Variants in PRKD3 observed in about 807,000 individuals in gnomAD.
PRKD3 encodes serine/threonine-protein kinase D3.
A neutral mutation model predicts 99.2 loss-of-function variants in PRKD3; 47 were observed. The ratio of observed to expected loss-of-function variants is 0.47; its 90% CI spans 0.38 to 0.60. The LOEUF (loss-of-function observed/expected upper bound fraction) is 0.60. Among genes scored for constraint, PRKD3 ranks in the 20% least tolerant of loss-of-function variants. The probability of loss-of-function intolerance (pLI) is 0.00; values close to 1 mark genes in which losing one functional copy is unlikely to be tolerated. For synonymous variants in PRKD3, 392 were observed against 355.4 expected (o/e 1.10, Z -1.16); for missense variants, 1,019 against 1,088.4 (o/e 0.94, Z 0.90).
At chr2:37,293,106 A>G (rs1670512744) in intron 3 of PRKD3, 27 bp downstream of exon 3, 1 of 1,527,292 alleles carries the variant, frequency 6.5e-7, no homozygotes, top group South Asian at 1.3e-5. Context: ...GGGAAAAGGC[A>G]ATCACTCTAA....
At chr2:37,267,574 C>A in intron 13 of PRKD3, 38 bp from the exon 14 acceptor site, 1 of 1,425,494 alleles carries the variant, frequency 7.0e-7, no homozygotes, top group Non-Finnish European at 9.8e-7. Flanking sequence ...ATGAAGCAAA[C>A]TGACAGCTTT....
chr2:37,311,959 TTAA>T (rs1671444522), intron 2 of PRKD3, among the ~76,000 whole-genome samples: 1 of 152,226 alleles, frequency 6.6e-6, no homozygotes, highest in African/African-American at 2.4e-5. Flanking sequence ...AAGTCCACAT[TTAA>T]AATGCATATA....
chr2:37,321,642 T>C (rs1671888046), intron 1 of PRKD3, among the ~76,000 whole-genome samples: 2 of 152,228 alleles, frequency 1.3e-5, no homozygotes, highest in Admixed American at 6.5e-5. Context: ...ACATGGCCAC[T>C]GCTCTCTCTG....
chr2:37,306,691 C>T (rs1671183797), intron 2 of PRKD3, among the ~76,000 whole-genome samples: 1 of 152,050 alleles, frequency 6.6e-6, no homozygotes, highest in African/African-American at 2.4e-5. Flanking sequence ...AGTCTGTGGT[C>T]CAGCTACTTA....
chr2:37,257,355 T>C (rs956145545), intron 16 of PRKD3, among the ~76,000 whole-genome samples: 5 of 152,130 alleles, frequency 3.3e-5, no homozygotes, highest in Non-Finnish European at 5.9e-5. Flanking sequence ...TACTCAATGT[T>C]TGCTGAAGGA....
rs1330059990 is a variant in PRKD3, at chr2:37,324,693, G to C, written c.-668C>G. ...GGCGACTACTTACAGTGGCAGGCTC[G>C]GCCCGTCGTGAGAAACTGCGCCCGC... On this transcript the variant is annotated 5_prime_UTR_variant, in exon 1 of 19. Coordinates refer to ENST00000234179, the MANE Select transcript of PRKD3 (RefSeq NM_005813.6). 1 of 150,612 alleles carries C rather than the reference G, an allele frequency of 6.6e-6. No homozygotes were observed. Among genetic ancestry groups the C allele is most frequent in the Non-Finnish European group, 1.5e-5 (1 of 67,116 alleles). 9.3% of individuals were successfully genotyped at this position (150,612 alleles called of 1,614,324 possible).
chr2:37,317,154 C>G lies in PRKD3; in HGVS notation c.-630G>C, dbSNP rs143406429. 28 of 984,362 alleles carry G rather than the reference C, an allele frequency of 2.8e-5. No homozygotes were observed. The highest frequency in any genetic ancestry group is 3.4e-5 in the Non-Finnish European group (28 of 829,138). The allele number at this position is 984,362 out of a possible 1,614,324, so 61.0% of individuals were successfully genotyped here. On this transcript the variant is annotated 5_prime_UTR_variant, in exon 2 of 19. Transcript: ENST00000234179. ...AGATGAATGGGTCCATCGAGAAAAG[C>G]TGATGCTTTCTGACATATAGTTAGC...
At chr2:37,295,438 G>C (rs1030641947) in intron 2 of PRKD3, among the ~76,000 whole-genome samples, 1 of 152,114 alleles carries the variant, frequency 6.6e-6, no homozygotes, top group Non-Finnish European at 1.5e-5. Flanking sequence ...AAGTTACAAG[G>C]TAAATGGAAG....
intron 1 of PRKD3, among the ~76,000 whole-genome samples, chr2:37,318,182 G>A (rs749110142): frequency 2.0e-5 from 3 of 152,078 alleles, no homozygotes; most frequent in Non-Finnish European, 4.4e-5. Flanking sequence ...AAGGGCAAAA[G>A]CACACAACTA....
At position 37,316,441 on chromosome 2, in the gene PRKD3, C is replaced by T. The variant is rs147906261; in HGVS notation, c.84G>A (p.Pro28=). The stretch of plus-strand genomic sequence containing the variant: ...AGAGTCCCGTCTTAGGACTTGAACA[C>T]GGAGAAGCAGCTGGAAGCACAGCAG... The part of the protein sequence containing the change: ...AIPAVLPAAS[P]CSSPKTGLSA... The change falls in exon 2 of 19, where the codon CCG becomes CCA. Residue 28 remains proline (P), a synonymous_variant. Transcript: ENST00000234179. The T allele has an allele frequency of 3.4e-5, 55 of 1,614,212 alleles. No homozygotes were observed. Among genetic ancestry groups the T allele is most frequent in the African/African-American group, 2.7e-4 (20 of 75,054 alleles).
intron 1 of PRKD3, among the ~76,000 whole-genome samples, chr2:37,320,206 G>C (rs1176779994): frequency 2.6e-5 from 4 of 152,134 alleles, no homozygotes; most frequent in Admixed American, 2.0e-4. Flanking sequence ...ACTATAGCTA[G>C]TAAGTGATAG....
At position 37,261,495 on chromosome 2, in the gene PRKD3, A is replaced by C. The variant is rs184511886; in HGVS notation, c.1885-1111T>G. Among the ~76,000 whole-genome samples, 237 of 139,990 alleles carry C rather than the reference A, an allele frequency of 1.7e-3. 2 individuals carry two copies. The highest frequency in any genetic ancestry group is 6.1e-3 in the African/African-American group (228 of 37,152). The allele number at this position is 139,990 out of a possible 152,430, so 91.8% of individuals were successfully genotyped here. A position where few individuals can be genotyped will look rare whatever the true frequency, so the allele number is the denominator to read the frequency against. ...GAGCGAGACTTTGTCTCAAATAAAA[A>C]AAAGGCCGGGCGCGGTGGCTCACGC... is the stretch of plus-strand genomic sequence containing the variant. On this transcript the variant is annotated intron_variant, in intron 14 of 18. Coordinates refer to ENST00000234179, the MANE Select transcript of PRKD3 (RefSeq NM_005813.6).
chr2:37,258,470 T>C (rs1383118917), intron 16 of PRKD3, among the ~76,000 whole-genome samples: 2 of 152,244 alleles, frequency 1.3e-5, no homozygotes, highest in African/African-American at 4.8e-5. Context: ...CACTTGAGCA[T>C]AAAAAGCGTA....
At chr2:37,307,117 T>A (rs1025570430) in intron 2 of PRKD3, among the ~76,000 whole-genome samples, 10 of 152,222 alleles carry the variant, frequency 6.6e-5, no homozygotes, top group Non-Finnish European at 1.0e-4. Flanking sequence ...GAAGCCCCCC[T>A]GCTCCAGTTG....
At chr2:37,302,347 A>G (rs1001147064) in intron 2 of PRKD3, among the ~76,000 whole-genome samples, 13 of 152,202 alleles carry the variant, frequency 8.5e-5, no homozygotes, top group African/African-American at 2.4e-4. Flanking sequence ...ATGCAACAGA[A>G]TATCAGTTAT....
chr2:37,311,529 G>A (rs1427769526), intron 2 of PRKD3, among the ~76,000 whole-genome samples: 1 of 152,122 alleles, frequency 6.6e-6, no homozygotes, highest in African/African-American at 2.4e-5. Flanking sequence ...TAGGATAATT[G>A]TATAACACTA....
At chr2:37,270,258 T>C (rs974883930) in intron 12 of PRKD3, among the ~76,000 whole-genome samples, 2 of 150,500 alleles carry the variant, frequency 1.3e-5, no homozygotes, top group Admixed American at 6.7e-5. Context: ...ATTTATTAAG[T>C]AGTGATCTAT....
At chr2:37,257,941 CACT>C (rs1668112975) in intron 16 of PRKD3, among the ~76,000 whole-genome samples, 1 of 152,108 alleles carries the variant, frequency 6.6e-6, no homozygotes, top group African/African-American at 2.4e-5. Flanking sequence ...GAGCCATAGT[CACT>C]ACCACATCCT....
chr2:37,313,754 G>A (rs1671544298), intron 2 of PRKD3, among the ~76,000 whole-genome samples: 1 of 152,104 alleles, frequency 6.6e-6, no homozygotes, highest in Non-Finnish European at 1.5e-5. Flanking sequence ...ACAAGTTTTC[G>A]ACTTTACAAT....
Sources: allele counts gnomAD v4.1 joint callset (sites outside exome capture counted in the v4.1 genomes callset), GRCh38; gene constraint gnomAD v4.1.1; transcripts MANE v1.5; gene names NCBI Gene and HGNC (gene_info 2026-07-23, HGNC 2026-07-21).